PAK2: variants seen among roughly 807,000 people sequenced by gnomAD.
PAK2 encodes p21 (RAC1) activated kinase 2.
In PAK2, 21 loss-of-function variants were observed where a neutral mutation model predicts 65.9. That is an observed-to-expected ratio of 0.32 (90% CI 0.23 to 0.46). The LOEUF (loss-of-function observed/expected upper bound fraction) is 0.46. Among genes scored for constraint, PAK2 ranks in the 20% least tolerant of loss-of-function variants. PAK2 has a pLI of 1.00. For missense variants in PAK2, 324 were observed against 642.6 expected (o/e 0.50, Z 5.36); for synonymous variants, 204 against 219.7 (o/e 0.93, Z 0.63).
intron 2 of PAK2, among the ~76,000 whole-genome samples, chr3:196,801,314 C>T (rs963886790): frequency 1.3e-5 from 2 of 151,998 alleles, no homozygotes; most frequent in African/African-American, 4.8e-5. Context: ...AGCTGGTGCC[C>T]GAAGGGGGTG....
At chr3:196,779,993 G>A (rs995341641) in intron 1 of PAK2, among the ~76,000 whole-genome samples, 6 of 152,336 alleles carry the variant, frequency 3.9e-5, no homozygotes, top group African/African-American at 1.4e-4. Flanking sequence ...TCTTTCTTCT[G>A]TCTGTAGCAA....
At position 196,739,946 on chromosome 3, in the gene PAK2, C is replaced by G. The variant is rs1017528909; in HGVS notation, c.-233C>G. 1.3e-4 allele frequency: 20 copies of G among 152,144 alleles called. No individual in the cohort carries two copies. Among genetic ancestry groups the G allele is most frequent in the Non-Finnish European group, 2.2e-4 (15 of 67,966 alleles). 9.4% of individuals were successfully genotyped at this position (152,144 alleles called of 1,614,324 possible). ...CGGGCCGTCGCCATTGCCGAAGGCT[C>G]CCTCCCCTCCCCTCCCTGGCGTGCG... On this transcript the variant is annotated 5_prime_UTR_variant, in exon 1 of 15. Coordinates refer to ENST00000327134, the MANE Select transcript of PAK2 (RefSeq NM_002577.4).
chr3:196,804,393 G>A (rs753304692), intron 4 of PAK2, among the ~76,000 whole-genome samples: 1 of 152,088 alleles, frequency 6.6e-6, no homozygotes, highest in Admixed American at 6.5e-5. Flanking sequence ...ACCAATGTTT[G>A]ACCACAAAAT....
intron 12 of PAK2, among the ~76,000 whole-genome samples, chr3:196,819,871 C>T (rs73076616): frequency 0.017 from 2,519 of 152,184 alleles, 70 homozygotes; most frequent in African/African-American, 0.058. Flanking sequence ...GGTGTGATGG[C>T]GCACACTTGT....
At chr3:196,814,142 C>T (rs370647611) in intron 10 of PAK2, among the ~76,000 whole-genome samples, 2 of 152,054 alleles carry the variant, frequency 1.3e-5, no homozygotes, top group Non-Finnish European at 2.9e-5. Context: ...CCTCTCCAAG[C>T]CTTTGTCTGT....
intron 1 of PAK2, among the ~76,000 whole-genome samples, chr3:196,741,257 G>T (rs982541968): frequency 6.6e-6 from 1 of 152,148 alleles, no homozygotes; most frequent in Non-Finnish European, 1.5e-5. Context: ...AAATGTACAA[G>T]AATTTGCTCT....
intron 3 of PAK2, among the ~76,000 whole-genome samples, chr3:196,802,574 G>A (rs1198337531): frequency 6.6e-6 from 1 of 152,170 alleles, no homozygotes; most frequent in African/African-American, 2.4e-5. Context: ...CGGGCGCGGT[G>A]GCTCACGCCT....
In PAK2 at chr3:196,828,873, T is replaced by C. The variant is rs1046402144; in HGVS notation, c.*468T>C. The stretch of plus-strand genomic sequence containing the variant: ...TTTTGAGTTGCTTTTGCGTTTCTCA[T>C]GCCTAGGCAAGTGTAATAGAAATTA... On this transcript the variant is annotated 3_prime_UTR_variant, in exon 15 of 15. Coordinates refer to ENST00000327134, the MANE Select transcript of PAK2 (RefSeq NM_002577.4). 1 of 163,624 alleles carries C rather than the reference T, an allele frequency of 6.1e-6. No individual in the cohort carries two copies. Among genetic ancestry groups the C allele is most frequent in the East Asian group, 1.9e-4 (1 of 5,304 alleles). 10.1% of individuals were successfully genotyped at this position (163,624 alleles called of 1,614,324 possible). A position where few individuals can be genotyped will look rare whatever the true frequency, so the allele number is the denominator to read the frequency against.
At chr3:196,810,754 A>G (rs1304665871) in intron 8 of PAK2, 101 bp downstream of exon 8, 1 of 689,794 alleles carries the variant, frequency 1.4e-6, no homozygotes, top group Non-Finnish European at 2.6e-6. Context: ...GTACTTATAT[A>G]GTATTCTGTG....
At chr3:196,773,927 AGCTACTCG>A in intron 1 of PAK2, among the ~76,000 whole-genome samples, 1 of 151,966 alleles carries the variant, frequency 6.6e-6, no homozygotes, top group East Asian at 1.9e-4. Context: ...CTGTAATCCC[AGCTACTCG>A]GGAGGCTGAG....
chr3:196,744,862 G>C (rs909101665), intron 1 of PAK2, among the ~76,000 whole-genome samples: 1 of 151,880 alleles, frequency 6.6e-6, no homozygotes, highest in African/African-American at 2.4e-5. Context: ...GTATGTCTTT[G>C]TGCACATGCA....
At chr3:196,745,625 C>T (rs1713349819) in intron 1 of PAK2, among the ~76,000 whole-genome samples, 1 of 152,144 alleles carries the variant, frequency 6.6e-6, no homozygotes, top group East Asian at 1.9e-4. Flanking sequence ...ACAGCCTAAC[C>T]AACGTGGTGA....
rs145942347 is a variant in PAK2 at position 196,794,508 on chromosome 3, A to T, written c.188-7419A>T. Among the ~76,000 whole-genome samples the T allele has an allele frequency of 1.3e-3, 201 of 152,282 alleles. 2 individuals are homozygous for T. Among genetic ancestry groups the T allele is most frequent in the African/African-American group, 3.5e-3 (147 of 41,574 alleles). On this transcript the variant is annotated intron_variant, in intron 2 of 14. Transcript: ENST00000327134. ...GCCAAGTGTGGGAAAATCTCCCCCA[A>T]TTCACAGTGTCTACACAGGAAAAAG...
At chr3:196,751,862 T>C (rs35018470) in intron 1 of PAK2, among the ~76,000 whole-genome samples, 67,987 of 147,008 alleles carry the variant, frequency 0.46, 16,191 homozygotes, top group Non-Finnish European at 0.53. Flanking sequence ...CCTGCCTCAG[T>C]CTCCTGAGTA....
At chr3:196,781,416 G>A (rs1325418193) in intron 1 of PAK2, among the ~76,000 whole-genome samples, 1 of 152,136 alleles carries the variant, frequency 6.6e-6, no homozygotes, top group African/African-American at 2.4e-5. Context: ...ATGGGTAGCA[G>A]GGTTGAAGTT....
rs1712097038 is a variant in PAK2 at position 196,831,752 on chromosome 3, C to A, written c.*3347C>A. 1 of 152,072 alleles carries A rather than the reference C, an allele frequency of 6.6e-6. No individual in the cohort carries two copies. The highest frequency in any genetic ancestry group is 2.1e-4 in the South Asian group (1 of 4,828). 9.4% of individuals were successfully genotyped at this position (152,072 alleles called of 1,614,324 possible). A position where few individuals can be genotyped will look rare whatever the true frequency, so the allele number is the denominator to read the frequency against. ...AATAGATGCTTAAAGAATTTGCATC[C>A]ATTTTTGAGTCTAAATCTTTTAAAA... On this transcript the variant is annotated 3_prime_UTR_variant, in exon 15 of 15. Transcript: ENST00000327134.
At chr3:196,823,543 GCAAACAAACAAA>G (rs200749102) in intron 13 of PAK2, among the ~76,000 whole-genome samples, 4 of 151,510 alleles carry the variant, frequency 2.6e-5, no homozygotes, top group Non-Finnish European at 5.9e-5. Context: ...CTGGATCCCC[GCAAACAAACAAA>G]CAAACAAACA....
At chr3:196,810,977 G>A (rs1449081983) in intron 8 of PAK2, among the ~76,000 whole-genome samples, 1 of 151,934 alleles carries the variant, frequency 6.6e-6, no homozygotes, top group African/African-American at 2.4e-5. Context: ...AATAAAAAAT[G>A]CATTTAAATC....
At chr3:196,755,863 C>T (rs934671387) in intron 1 of PAK2, among the ~76,000 whole-genome samples, 1 of 152,086 alleles carries the variant, frequency 6.6e-6, no homozygotes, top group Non-Finnish European at 1.5e-5. Flanking sequence ...TCAGGCGATT[C>T]TGCTGCCTCA....
Sources: allele counts gnomAD v4.1 joint callset (sites outside exome capture counted in the v4.1 genomes callset), GRCh38; gene constraint gnomAD v4.1.1; transcripts MANE v1.5; gene names NCBI Gene and HGNC (gene_info 2026-07-23, HGNC 2026-07-21).